NTNG2: variants seen among roughly 807,000 people sequenced by gnomAD.
The protein encoded by NTNG2 is netrin-G2.
A neutral mutation model predicts 47.6 loss-of-function variants in NTNG2; 15 were observed. The ratio of observed to expected loss-of-function variants is 0.32; its 90% CI spans 0.21 to 0.49. The LOEUF is 0.49. Ranked by LOEUF, NTNG2 falls within the 20% of genes least tolerant of loss-of-function variation. The pLI is 0.99. For missense variants in NTNG2, 578 were observed against 764.6 expected, an observed-to-expected ratio of 0.76 and a Z score of 2.88; for synonymous variants, 307 against 324.6, an observed-to-expected ratio of 0.95 and a Z score of 0.58.
chr9:132,239,448 CTCTATTAGTAA>C (rs1841845237), intron 6 of NTNG2, among the ~76,000 whole-genome samples, 177 bp downstream of exon 6: 1 of 152,234 alleles, frequency 6.6e-6, no homozygotes, highest in Non-Finnish European at 1.5e-5. Flanking sequence ...CCAGAAACTG[CTCTATTAGTAA>C]CCTACCCTTG....
At chr9:132,239,400 G>A in intron 6 of NTNG2, 129 bp downstream of exon 6, 5 of 843,084 alleles carry the variant, frequency 5.9e-6, no homozygotes, top group Non-Finnish European at 9.5e-6. Context: ...CTAACTCCAG[G>A]GCCCTCTCCA....
intron 2 of NTNG2, among the ~76,000 whole-genome samples, chr9:132,186,752 C>T (rs1325972147): frequency 6.6e-6 from 1 of 152,208 alleles, no homozygotes; most frequent in African/African-American, 2.4e-5. Context: ...GCGAAGCCCG[C>T]GGATGCCCAC....
intron 2 of NTNG2, among the ~76,000 whole-genome samples, chr9:132,179,526 C>T (rs1434667268): frequency 3.3e-5 from 5 of 152,176 alleles, no homozygotes; most frequent in South Asian, 2.1e-4. Flanking sequence ...GGAATGCTGG[C>T]GATCGCAGCA....
intron 3 of NTNG2, among the ~76,000 whole-genome samples, chr9:132,207,724 A>G (rs966014735): frequency 6.6e-6 from 1 of 152,172 alleles, no homozygotes; most frequent in Non-Finnish European, 1.5e-5. Context: ...GTCCAAGAGC[A>G]TGGAGGGGCT....
At chr9:132,203,665 T>C (rs1322826421) in intron 3 of NTNG2, among the ~76,000 whole-genome samples, 1 of 152,216 alleles carries the variant, frequency 6.6e-6, no homozygotes, top group Non-Finnish European at 1.5e-5. Flanking sequence ...GGAGCACCCC[T>C]GCTCTGAAAT....
chr9:132,240,166 A>C (rs887201642), intron 6 of NTNG2, among the ~76,000 whole-genome samples: 3 of 152,236 alleles, frequency 2.0e-5, no homozygotes, highest in Non-Finnish European at 4.4e-5. Context: ...GGCTGCCCAG[A>C]GGAGGGGCTC....
intron 2 of NTNG2, among the ~76,000 whole-genome samples, chr9:132,170,156 C>T (rs796098872): frequency 2.4e-4 from 36 of 152,316 alleles, no homozygotes; most frequent in African/African-American, 6.0e-4. Context: ...CAGGGGCGGA[C>T]GGCCTTTTCA....
rs1280590832 is a variant in NTNG2 at position 132,238,953 on chromosome 9, G to A, written c.1055-151G>A. 5 of 747,870 alleles carry A rather than the reference G, an allele frequency of 6.7e-6. No individual in the cohort carries two copies. In the African/African-American group the frequency reaches 8.8e-5, roughly 13 times the overall value. 46.3% of individuals were successfully genotyped at this position (747,870 alleles called of 1,614,324 possible). A position where few individuals can be genotyped will look rare whatever the true frequency, so the allele number is the denominator to read the frequency against. ...CTCTCTCTTCCTGAATCCGATGGAAGGGTGGGAGGCCTAGGGCACCTTCCG... is the reference window on the plus strand; with the variant it reads ...CTCTCTCTTCCTGAATCCGATGGAAAGGTGGGAGGCCTAGGGCACCTTCCG... On this transcript the variant is annotated intron_variant, in intron 5 of 7. Coordinates refer to ENST00000393229, the MANE Select transcript of NTNG2 (RefSeq NM_032536.4).
At chr9:132,205,952 A>ATGGG (rs1163413911) in intron 3 of NTNG2, among the ~76,000 whole-genome samples, 7 of 152,076 alleles carry the variant, frequency 4.6e-5, no homozygotes, top group African/African-American at 1.7e-4. Flanking sequence ...AAGGAAATAG[A>ATGGG]TGGGTGGGTG....
chr9:132,228,597 G>C (rs755402061), intron 4 of NTNG2, among the ~76,000 whole-genome samples: 1 of 147,266 alleles, frequency 6.8e-6, no homozygotes, highest in South Asian at 2.1e-4. Context: ...TCACTCTGTC[G>C]TCCAGGCTGG....
intron 2 of NTNG2, among the ~76,000 whole-genome samples, chr9:132,172,862 T>C (rs1358586222): frequency 1.3e-5 from 2 of 151,866 alleles, no homozygotes; most frequent in African/African-American, 4.8e-5. Flanking sequence ...CCCCAGTAGC[T>C]GGGACTACAG....
chr9:132,171,975 A>C (rs957884714), intron 2 of NTNG2, among the ~76,000 whole-genome samples: 1 of 152,226 alleles, frequency 6.6e-6, no homozygotes, highest in African/African-American at 2.4e-5. Flanking sequence ...GACTAGAGAT[A>C]AATTAAGTGA....
In NTNG2 at chr9:132,236,389, C is replaced by T. The variant is rs1258206403; in HGVS notation, c.1055-2715C>T. ...GCCATAGACAGACATGCCAAGGAAA[C>T]GCGCAGGCCTGCCCGACTCTCCAGA... is the stretch of plus-strand genomic sequence containing the variant. On this transcript the variant is annotated intron_variant, in intron 5 of 7. Coordinates refer to ENST00000393229, the MANE Select transcript of NTNG2 (RefSeq NM_032536.4). This position sits in a 1 kb window ranked among gnomAD's most constrained non-coding sequence, Gnocchi z 4.3. Among the ~76,000 whole-genome samples the T allele has an allele frequency of 1.3e-5, 2 of 152,188 alleles. No individual in the cohort carries two copies. The highest frequency in any genetic ancestry group is 4.8e-5 in the African/African-American group (2 of 41,440).
chr9:132,195,937 T>G (rs916468681), intron 2 of NTNG2, among the ~76,000 whole-genome samples: 1 of 151,824 alleles, frequency 6.6e-6, no homozygotes, highest in Non-Finnish European at 1.5e-5. Context: ...ACACCCAGTT[T>G]ATTTTTTATT....
At position 132,241,953 on chromosome 9, in the gene NTNG2, C is replaced by T; in HGVS notation, c.1435C>T (p.Arg479Cys). The change falls in exon 8 of 8, where the codon CGC (arginine) becomes TGC (cysteine). Residue 479 changes from arginine to cysteine, a missense_variant. Physicochemically the swap from Arg to Cys is radical, Grantham distance 180 (BLOSUM62 -3). Transcript: ENST00000393229. Reference protein sequence around the residue: ...CLQNQRCACPRGYTGVRCEQP... With the variant: ...CLQNQRCACPCGYTGVRCEQP... ...GCAGAACCAGCGCTGCGCCTGCCCGCGCGGCTACACCGGCGTGCGCTGCGA... is the reference window on the plus strand; with the variant it reads ...GCAGAACCAGCGCTGCGCCTGCCCGTGCGGCTACACCGGCGTGCGCTGCGA... The T allele has an allele frequency of 6.4e-7, 1 of 1,553,710 alleles. No individual in the cohort carries two copies. Among genetic ancestry groups the T allele is most frequent in the South Asian group, 1.2e-5 (1 of 85,612 alleles).
rs1404622480 is a variant in NTNG2, at chr9:132,182,150, T to C, written c.213+15106T>C. On this transcript the variant is annotated intron_variant, in intron 2 of 7. Coordinates refer to ENST00000393229, the MANE Select transcript of NTNG2 (RefSeq NM_032536.4). This position sits in a 1 kb window ranked among gnomAD's most constrained non-coding sequence, Gnocchi z 4.2. ...CCAGTTACTTGATAATTCACTTATT[T>C]CATGTCTATTTGGCAGCGAGCGTGC... 6.6e-6 allele frequency among the ~76,000 whole-genome samples: 1 copy of C among 152,218 alleles called. No individual in the cohort carries two copies. Among genetic ancestry groups the C allele is most frequent in the African/African-American group, 2.4e-5 (1 of 41,460 alleles).
intron 4 of NTNG2, among the ~76,000 whole-genome samples, chr9:132,228,849 C>T (rs562845530): frequency 4.1e-4 from 63 of 152,294 alleles, no homozygotes; most frequent in African/African-American, 1.2e-3. Context: ...TGAGCCACCA[C>T]GTCTGGCCAT....
At chr9:132,213,986 C>T (rs922794576) in intron 3 of NTNG2, among the ~76,000 whole-genome samples, 1 of 152,320 alleles carries the variant, frequency 6.6e-6, no homozygotes, top group Admixed American at 6.5e-5. Context: ...AGCCCAGCAC[C>T]TGCCCACCCC....
intron 6 of NTNG2, chr9:132,240,629 A>C: frequency 1.8e-6 from 1 of 541,244 alleles, no homozygotes; most frequent in Non-Finnish European, 3.3e-6. Context: ...AGTTGCCCAG[A>C]GAGGGGAAGG....
Sources: allele counts gnomAD v4.1 joint callset (sites outside exome capture counted in the v4.1 genomes callset), GRCh38; gene constraint gnomAD v4.1.1; non-coding constraint Gnocchi (gnomAD v3.1); transcripts MANE v1.5; gene names NCBI Gene and HGNC (gene_info 2026-07-23, HGNC 2026-07-21).